Variants in FBN1 observed in about 807,000 individuals in gnomAD.
FBN1 encodes fibrillin 1.
Under a neutral mutation model 365.1 loss-of-function variants are expected in FBN1, and 29 were observed. The ratio of observed to expected loss-of-function variants is 0.08; its 90% CI spans 0.06 to 0.11. The LOEUF is 0.11. FBN1 is among the 10% of genes least tolerant of loss of function. The probability of loss-of-function intolerance (pLI) is 1.00; values close to 1 mark genes in which losing one functional copy is unlikely to be tolerated. For synonymous variants in FBN1, 1,210 were observed against 1,270.5 expected (o/e 0.95, Z 1.01); for missense variants, 2,476 against 3,703.2 (o/e 0.67, Z 8.60).
At chr15:48,447,665 T>A (rs181719893) in intron 46 of FBN1, among the ~76,000 whole-genome samples, 3 of 151,154 alleles carry the variant, frequency 2.0e-5, no homozygotes, top group African/African-American at 4.9e-5. Flanking sequence ...AAGGATGAAA[T>A]GAGAGAGAGA....
intron 9 of FBN1, 23 bp downstream of exon 9, chr15:48,526,107 A>G: frequency 1.2e-6 from 2 of 1,613,842 alleles, no homozygotes; most frequent in East Asian, 4.5e-5. Context: ...CAAACCATGC[A>G]TGCTGTTTGT....
In FBN1 at chr15:48,564,617, T is replaced by G. The variant is rs560460057; in HGVS notation, c.539-26809A>C. On this transcript the variant is annotated intron_variant, in intron 6 of 65. Coordinates refer to ENST00000316623, the MANE Select transcript of FBN1 (RefSeq NM_000138.5). ...AAAAATCCCAGGTGGCCCTCACATATCGATGAAATAAATATTTATAGTTGC... is the reference window on the plus strand; with the variant it reads ...AAAAATCCCAGGTGGCCCTCACATAGCGATGAAATAAATATTTATAGTTGC... Among the ~76,000 whole-genome samples the G allele has an allele frequency of 7.2e-5, 11 of 152,214 alleles. No homozygotes were observed. The East Asian group carries it at 2.1e-3, about 29-fold the overall frequency.
chr15:48,558,452 T>C (rs1238434217), intron 6 of FBN1, among the ~76,000 whole-genome samples: 1 of 152,142 alleles, frequency 6.6e-6, no homozygotes. Context: ...AAGGGAAGCA[T>C]AAATTATCTA....
chr15:48,472,320 C>T (rs555620626), intron 35 of FBN1, among the ~76,000 whole-genome samples: 4 of 152,256 alleles, frequency 2.6e-5, no homozygotes, highest in South Asian at 2.1e-4. Context: ...GCAGACCATG[C>T]GGCCAAGGCT....
chr15:48,586,052 G>C (rs1386253146), intron 6 of FBN1, among the ~76,000 whole-genome samples: 1 of 152,134 alleles, frequency 6.6e-6, no homozygotes, highest in Non-Finnish European at 1.5e-5. Context: ...TTGACAAGGT[G>C]AATATGCTCA....
In FBN1 at chr15:48,452,663, C is replaced by T. The variant is rs1339771077; in HGVS notation, c.5444G>A (p.Gly1815Asp). 1 of 1,614,012 alleles carries T rather than the reference C, an allele frequency of 6.2e-7. No individual in the cohort carries two copies. Among genetic ancestry groups the T allele is most frequent in the Non-Finnish European group, 8.5e-7 (1 of 1,179,988 alleles). ...VCEDIDECQN[G>D]PVCQRNAECI... ...TTCGGCGTTGCGCTGGCACACTGGG[C>T]CGTTCTGACACTCGTCAATATCTAC... The change falls in exon 45 of 66, where the codon GGC (glycine) becomes GAC (aspartate). Residue 1815 changes from glycine (G) to aspartate (D), a missense_variant. Physicochemically the swap from Gly to Asp is moderately conservative, Grantham distance 94. This residue lies in a region of FBN1 where 1,780 missense variants were observed against 2,840.8 expected (regional missense o/e 0.63). Coordinates refer to ENST00000316623, the MANE Select transcript of FBN1 (RefSeq NM_000138.5).
chr15:48,600,243 A>C lies in FBN1; in HGVS notation c.347-9T>G. On this transcript the variant is annotated splice_polypyrimidine_tract_variant and intron_variant, in intron 4 of 65. Transcript: ENST00000316623. Reference sequence around the variant, plus strand: ...AATATTGCAGTGTTGTACTTGAAAAAAAAGAAGAAGAATTCACTTTTGCAA... The same window carrying C: ...AATATTGCAGTGTTGTACTTGAAAACAAAGAAGAAGAATTCACTTTTGCAA... The C allele has an allele frequency of 6.2e-7, 1 of 1,610,846 alleles. No homozygotes were observed. Among genetic ancestry groups the C allele is most frequent in the Non-Finnish European group, 8.5e-7 (1 of 1,177,264 alleles).
chr15:48,476,779 T>A (rs1284468706), intron 32 of FBN1: 1 of 157,162 alleles, frequency 6.4e-6, no homozygotes, highest in Non-Finnish European at 1.2e-5. Flanking sequence ...CCTGGCTTTT[T>A]TTTTTTTTTT....
chr15:48,567,189 A>G (rs1277814847), intron 6 of FBN1, among the ~76,000 whole-genome samples: 2 of 152,358 alleles, frequency 1.3e-5, no homozygotes, highest in East Asian at 3.9e-4. Context: ...CACAGAAATT[A>G]AGAGTAAACC....
rs140590 is a variant in FBN1 at position 48,490,087 on chromosome 15, G to A, written c.2855-9C>T. The A allele has an allele frequency of 9.5e-4, 1,537 of 1,613,348 alleles. 14 individuals are homozygous for A. The African/African-American group carries it at 0.018, about 19-fold the overall frequency. On this transcript the variant is annotated splice_polypyrimidine_tract_variant and intron_variant, in intron 24 of 65. Coordinates refer to ENST00000316623, the MANE Select transcript of FBN1 (RefSeq NM_000138.5). ...GGTTTCCAGGCGGATATCTGTCAGA[G>A]GGAATCAAGGGAGGTTAAATAGAGC...
intron 46 of FBN1, among the ~76,000 whole-genome samples, chr15:48,448,560 C>A (rs1013398394): frequency 2.0e-5 from 3 of 152,054 alleles, no homozygotes; most frequent in African/African-American, 7.2e-5. Context: ...TCTAAACTGA[C>A]AGCCAAATGA....
rs531838320 is a variant in FBN1, at chr15:48,587,893, C to T, written c.538+8390G>A. Among the ~76,000 whole-genome samples, 6 of 152,030 alleles carry T rather than the reference C, an allele frequency of 3.9e-5. No homozygotes were observed. In the East Asian group the frequency reaches 1.2e-3, roughly 29 times the overall value. Reference sequence around the variant, plus strand: ...ATCAAACTTCTACTAAGACAGAGAACCTGAGAAATTAGGCTCAGCTCTGAG... The same window carrying T: ...ATCAAACTTCTACTAAGACAGAGAATCTGAGAAATTAGGCTCAGCTCTGAG... On this transcript the variant is annotated intron_variant, in intron 6 of 65. Coordinates refer to ENST00000316623, the MANE Select transcript of FBN1 (RefSeq NM_000138.5).
chr15:48,595,977 A>G (rs2044512246), intron 6 of FBN1, among the ~76,000 whole-genome samples: 1 of 152,232 alleles, frequency 6.6e-6, no homozygotes, highest in Non-Finnish European at 1.5e-5. Flanking sequence ...ACCCTTACAG[A>G]AGAAAGTTCT....
chr15:48,440,899 T>TA (rs146628631), intron 50 of FBN1, among the ~76,000 whole-genome samples: 84,128 of 133,728 alleles, frequency 0.63, 25,250 homozygotes, highest in South Asian at 0.75. Flanking sequence ...CAAAAAACCA[T>TA]GAAAAAAAAA....
chr15:48,505,159 A>G lies in FBN1; in HGVS notation c.1838-12T>C, dbSNP rs1255003811. 3 of 1,614,120 alleles carry G rather than the reference A, an allele frequency of 1.9e-6. No homozygotes were observed. Among genetic ancestry groups the G allele is most frequent in the South Asian group, 2.2e-5 (2 of 91,078 alleles). On this transcript the variant is annotated splice_polypyrimidine_tract_variant and intron_variant, in intron 15 of 65. Transcript: ENST00000316623. ...ACACTCGTTAATGTCTGTGGCAGAGAAAGGCACTTATTAAAAATGAAGTGA... is the reference window on the plus strand; with the variant it reads ...ACACTCGTTAATGTCTGTGGCAGAGGAAGGCACTTATTAAAAATGAAGTGA...
intron 6 of FBN1, among the ~76,000 whole-genome samples, chr15:48,539,542 C>T (rs1026422435): frequency 1.3e-5 from 2 of 152,158 alleles, no homozygotes; most frequent in African/African-American, 2.4e-5. Context: ...ATATCAGACT[C>T]ATGATTTCAC....
chr15:48,418,512 C>T lies in FBN1; in HGVS notation c.7819+2175G>A, dbSNP rs148465334. 1.6e-4 allele frequency among the ~76,000 whole-genome samples: 25 copies of T among 152,276 alleles called. No homozygotes were observed. In the East Asian group the frequency reaches 4.6e-3, roughly 28 times the overall value. ...ATATTCAGTGTTTACAGTTTGAAAA[C>T]AGCATGTTTGTGCACTCGCCCTTTT... On this transcript the variant is annotated intron_variant, in intron 63 of 65. Transcript: ENST00000316623.
chr15:48,433,099 C>T (rs1414456154), intron 54 of FBN1, 111 bp from the exon 55 acceptor site: 3 of 1,136,178 alleles, frequency 2.6e-6, no homozygotes, highest in African/African-American at 3.0e-5. Flanking sequence ...GCTTCATTGT[C>T]ATAAACATGG....
chr15:48,430,944 T>C (rs2043019269), intron 55 of FBN1, 142 bp from the exon 56 acceptor site: 4 of 803,042 alleles, frequency 5.0e-6, no homozygotes, highest in Non-Finnish European at 8.2e-6. Context: ...TTCTGCTCTG[T>C]TGAGTATGAT....
Sources: gnomAD v4.1 joint callset for allele counts (sites outside exome capture counted in the v4.1 genomes callset) on GRCh38, gnomAD v4.1.1 for gene constraint, gnomAD v4.1.1 regional missense constraint, MANE v1.5 for transcripts, NCBI Gene and HGNC (gene_info 2026-07-23, HGNC 2026-07-21) for gene names.